FOXP1: variants seen among roughly 807,000 people sequenced by gnomAD.
FOXP1 encodes forkhead box P1, also known as forkhead box protein P1.
A neutral mutation model predicts 98.2 loss-of-function variants in FOXP1; 15 were observed. The ratio of observed to expected loss-of-function variants is 0.15; its 90% confidence interval spans 0.10 to 0.24. The LOEUF (loss-of-function observed/expected upper bound fraction) is 0.24, where lower values mean the gene tolerates loss of function less well. FOXP1 is among the 10% of genes least tolerant of loss of function. The probability of loss-of-function intolerance (pLI) is 1.00; values close to 1 mark genes in which losing one functional copy is unlikely to be tolerated. For missense variants in FOXP1, 633 were observed against 848.5 expected, an observed-to-expected ratio of 0.75 and a Z score of 3.15; for synonymous variants, 371 against 314.5, an observed-to-expected ratio of 1.18 and a Z score of -1.90.
intron 14 of FOXP1, among the ~76,000 whole-genome samples, chr3:70,985,338 C>T (rs1025691568): frequency 6.6e-6 from 1 of 152,006 alleles, no homozygotes; most frequent in Admixed American, 6.5e-5. Context: ...TAGCTCTGGG[C>T]CCTTAAAGTT....
chr3:71,409,569 G>A (rs1438936866), intron 3 of FOXP1, among the ~76,000 whole-genome samples: 1 of 145,660 alleles, frequency 6.9e-6, no homozygotes, highest in African/African-American at 2.5e-5. Flanking sequence ...AGAATGGCTT[G>A]AATCTAAGTT....
intron 4 of FOXP1, among the ~76,000 whole-genome samples, chr3:71,357,963 A>C (rs78638352): frequency 6.6e-6 from 1 of 152,188 alleles, no homozygotes; most frequent in African/African-American, 2.4e-5. Context: ...GAAAAAAAAA[A>C]CTAGAAGATT....
intron 3 of FOXP1, among the ~76,000 whole-genome samples, chr3:71,394,755 T>C (rs1004065704): frequency 3.3e-5 from 5 of 152,106 alleles, no homozygotes; most frequent in Non-Finnish European, 7.3e-5. Flanking sequence ...TGGGATTTGT[T>C]TGGGGACTCC....
chr3:71,177,305 G>C (rs1034181774), intron 6 of FOXP1, among the ~76,000 whole-genome samples: 19 of 152,144 alleles, frequency 1.2e-4, no homozygotes, highest in African/African-American at 4.6e-4. Context: ...TACAAATAAG[G>C]GCTCCATCTG....
intron 2 of FOXP1, among the ~76,000 whole-genome samples, chr3:71,543,194 C>T (rs1335368516): frequency 6.6e-6 from 1 of 152,126 alleles, no homozygotes; most frequent in African/African-American, 2.4e-5. Flanking sequence ...CTGGCAGTCG[C>T]TCTGTAATAG....
intron 6 of FOXP1, among the ~76,000 whole-genome samples, chr3:71,156,330 C>A (rs1378936104): frequency 1.3e-5 from 2 of 152,142 alleles, no homozygotes; most frequent in Non-Finnish European, 2.9e-5. Context: ...GCACTCAGCA[C>A]CTACTCAGCA....
intron 3 of FOXP1, among the ~76,000 whole-genome samples, chr3:71,470,434 G>T (rs189551923): frequency 6.6e-6 from 1 of 152,228 alleles, no homozygotes; most frequent in African/African-American, 2.4e-5. Flanking sequence ...AATCCTAATG[G>T]CTTTCCTTAA....
At chr3:71,216,760 A>G (rs957472459) in intron 5 of FOXP1, among the ~76,000 whole-genome samples, 23 of 152,174 alleles carry the variant, frequency 1.5e-4, no homozygotes, top group Non-Finnish European at 3.1e-4. Flanking sequence ...ATTAAAAAAA[A>G]AATCAGGGAA....
chr3:71,331,751 T>C (rs976334802), intron 4 of FOXP1, among the ~76,000 whole-genome samples: 3 of 151,720 alleles, frequency 2.0e-5, no homozygotes, highest in Admixed American at 2.0e-4. Flanking sequence ...AGAACCTTTA[T>C]GTCTAGCTAA....
In FOXP1 at chr3:71,193,473, T is replaced by G. The variant is rs1430719461; in HGVS notation, c.180+4729A>C. 4.3e-5 allele frequency among the ~76,000 whole-genome samples: 3 copies of G among 69,870 alleles called. 1 individual carries two copies. In the Admixed American group the frequency reaches 4.7e-4, roughly 11 times the overall value. The allele number at this position is 69,870 out of a possible 152,430, so 45.8% of individuals were successfully genotyped here. A position where few individuals can be genotyped will look rare whatever the true frequency, so the allele number is the denominator to read the frequency against. ...GTTATTTGTTTTTTTTTTTTAGACA[T>G]ATTCTCACTTTGTCGCCCAGGCTGG... On this transcript the variant is annotated intron_variant, in intron 6 of 20. Transcript: ENST00000649528.
At chr3:71,469,775 C>T (rs922248451) in intron 3 of FOXP1, among the ~76,000 whole-genome samples, 3 of 152,164 alleles carry the variant, frequency 2.0e-5, no homozygotes, top group Non-Finnish European at 4.4e-5. Context: ...ACTGAAAGCC[C>T]GATTTTTCAC....
chr3:71,544,944 A>T (rs1646630661), intron 2 of FOXP1, among the ~76,000 whole-genome samples: 1 of 152,138 alleles, frequency 6.6e-6, no homozygotes, highest in Non-Finnish European at 1.5e-5. Flanking sequence ...GTATCTAGAG[A>T]CATAAAAAAA....
At chr3:71,515,888 C>T (rs1013405697) in intron 2 of FOXP1, among the ~76,000 whole-genome samples, 3 of 152,194 alleles carry the variant, frequency 2.0e-5, no homozygotes, top group East Asian at 1.9e-4. Flanking sequence ...GGTCAGAATA[C>T]GCTCTGTCTC....
intron 3 of FOXP1, among the ~76,000 whole-genome samples, chr3:71,416,607 ACGTATGG>A (rs2083246010): frequency 6.6e-6 from 1 of 151,432 alleles, no homozygotes; most frequent in Non-Finnish European, 1.5e-5. Context: ...AAAAAAAATG[ACGTATGG>A]TCAGATAGGT....
At chr3:71,389,238 CGGGGGGGGG>C (rs1291009071) in intron 3 of FOXP1, among the ~76,000 whole-genome samples, 1 of 3,562 alleles carries the variant, frequency 2.8e-4, no homozygotes, top group Non-Finnish European at 6.8e-4. Flanking sequence ...CTGTAAGCGG[CGGGGGGGGG>C]GGGGGCCGGG....
At chr3:71,013,248 T>C (rs937099394) in intron 12 of FOXP1, among the ~76,000 whole-genome samples, 1 of 152,146 alleles carries the variant, frequency 6.6e-6, no homozygotes, top group Non-Finnish European at 1.5e-5. Context: ...TCAATACCAA[T>C]ATAGAAAGTT....
chr3:71,223,220 C>T (rs1029535535), intron 5 of FOXP1, among the ~76,000 whole-genome samples: 1 of 152,164 alleles, frequency 6.6e-6, no homozygotes, highest in South Asian at 2.1e-4. Context: ...AGACTTCTTT[C>T]CTGCTTCCTC....
chr3:71,049,586 T>C (rs892355864), intron 9 of FOXP1, among the ~76,000 whole-genome samples: 1 of 151,554 alleles, frequency 6.6e-6, no homozygotes, highest in Non-Finnish European at 1.5e-5. Flanking sequence ...AGGTACATCG[T>C]TCTGGCCAAA....
At position 70,958,281 on chromosome 3, in the gene FOXP1, G is replaced by T. The variant is rs962619624; in HGVS notation, c.*966C>A. Reference sequence around the variant, plus strand: ...CACCCCCAATACTGCTGCGTGGAATGAATCGGCATTGTTCCTAGAGTTTGT... The same window carrying T: ...CACCCCCAATACTGCTGCGTGGAATTAATCGGCATTGTTCCTAGAGTTTGT... On this transcript the variant is annotated 3_prime_UTR_variant, in exon 21 of 21. Coordinates refer to ENST00000649528, the MANE Select transcript of FOXP1 (RefSeq NM_001349338.3). 3 of 534,948 alleles carry T rather than the reference G, an allele frequency of 5.6e-6. No individual in the cohort carries two copies. Among genetic ancestry groups the T allele is most frequent in the Non-Finnish European group, 1.1e-5 (3 of 276,136 alleles). The allele number at this position is 534,948 out of a possible 1,614,324, so 33.1% of individuals were successfully genotyped here.
Sources: gnomAD v4.1 joint callset for allele counts (sites outside exome capture counted in the v4.1 genomes callset) on GRCh38, gnomAD v4.1.1 for gene constraint, MANE v1.5 for transcripts, NCBI Gene and HGNC (gene_info 2026-07-23, HGNC 2026-07-21) for gene names.